PHF24: variants seen among roughly 807,000 people sequenced by gnomAD.
PHF24 encodes Galpha inhibitory interacting protein.
Under a neutral mutation model 42.6 loss-of-function variants are expected in PHF24, and 25 were observed. The observed-to-expected ratio is 0.59, with a 90% CI of 0.43 to 0.82. The LOEUF (loss-of-function observed/expected upper bound fraction) is 0.82, where lower values mean the gene tolerates loss of function less well. PHF24 is among the 40% of genes least tolerant of loss of function. The probability of loss-of-function intolerance (pLI) is 0.00; values close to 1 mark genes in which losing one functional copy is unlikely to be tolerated. For synonymous variants in PHF24, 185 were observed against 204.8 expected, an observed-to-expected ratio of 0.90 and a Z score of 0.83; for missense variants, 470 against 538.1, an observed-to-expected ratio of 0.87 and a Z score of 1.25.
the PHF24 span, among the ~76,000 whole-genome samples, chr9:34,871,621 T>G: frequency 3.9e-5 from 6 of 152,318 alleles, no homozygotes; most frequent in Non-Finnish European, 8.8e-5. Context: ...TTGTAAAGGA[T>G]GTAAGGTCTG....
At chr9:34,977,014 T>C in intron 5 of PHF24, 69 bp from the exon 6 acceptor site, 2 of 1,495,972 alleles carry the variant, frequency 1.3e-6, no homozygotes, top group South Asian at 1.3e-5. Context: ...GTAATGGAGA[T>C]AGGATTCTCT....
At chr9:34,704,316 C>G in the PHF24 span, among the ~76,000 whole-genome samples, 1 of 152,138 alleles carries the variant, frequency 6.6e-6, no homozygotes, top group Non-Finnish European at 1.5e-5. Context: ...TAGGCGTGAG[C>G]TGCCATGCCC....
the PHF24 span, among the ~76,000 whole-genome samples, chr9:34,952,381 TA>T: frequency 6.6e-6 from 1 of 152,168 alleles, no homozygotes; most frequent in East Asian, 1.9e-4. Flanking sequence ...GTGACCTAAC[TA>T]AATGGGGAGA....
the PHF24 span, among the ~76,000 whole-genome samples, chr9:34,756,605 C>T: frequency 6.6e-6 from 1 of 152,138 alleles, no homozygotes; most frequent in Admixed American, 6.5e-5. Flanking sequence ...TGCTGTTTTG[C>T]CTACTAGAGC....
the PHF24 span, among the ~76,000 whole-genome samples, chr9:34,800,092 A>G: frequency 7.6e-6 from 1 of 131,556 alleles, no homozygotes; most frequent in African/African-American, 2.6e-5. Context: ...ACTATGCAAT[A>G]TATCCAGTAA....
the PHF24 span, among the ~76,000 whole-genome samples, chr9:34,846,642 G>A: frequency 6.6e-6 from 1 of 152,166 alleles, no homozygotes; most frequent in Non-Finnish European, 1.5e-5. Context: ...TGTTGCCTTT[G>A]CTTTTGATGT....
chr9:34,856,656 G>T, the PHF24 span, among the ~76,000 whole-genome samples: 1 of 152,188 alleles, frequency 6.6e-6, no homozygotes, highest in Non-Finnish European at 1.5e-5. Flanking sequence ...TCTTCCTCTA[G>T]GAGCTCCGTC....
At chr9:34,688,162 T>C in the PHF24 span, among the ~76,000 whole-genome samples, 10 of 152,122 alleles carry the variant, frequency 6.6e-5, no homozygotes, top group African/African-American at 2.2e-4. Flanking sequence ...CATTTCTCCC[T>C]TTTCAAGGCC....
At chr9:34,820,782 C>G in the PHF24 span, among the ~76,000 whole-genome samples, 1 of 152,160 alleles carries the variant, frequency 6.6e-6, no homozygotes, top group South Asian at 2.1e-4. Context: ...AATGGTACTT[C>G]TGTTTTAAGT....
chr9:34,810,190 C>T, the PHF24 span, among the ~76,000 whole-genome samples: 1 of 152,090 alleles, frequency 6.6e-6, no homozygotes, highest in African/African-American at 2.4e-5. Context: ...CGGGACCGGG[C>T]CGTCACCTGA....
the PHF24 span, among the ~76,000 whole-genome samples, chr9:34,716,105 G>A: frequency 3.9e-4 from 59 of 152,278 alleles, no homozygotes; most frequent in African/African-American, 1.1e-3. Context: ...GGTTCTCAGC[G>A]GAGCATTGAG....
chr9:34,916,030 C>T, the PHF24 span, among the ~76,000 whole-genome samples: 101 of 152,286 alleles, frequency 6.6e-4, no homozygotes, highest in Admixed American at 2.2e-3. Flanking sequence ...ATTGTCTCTC[C>T]TGCTTCCCTG....
At chr9:34,877,205 C>G in the PHF24 span, among the ~76,000 whole-genome samples, 1 of 150,424 alleles carries the variant, frequency 6.6e-6, no homozygotes, top group Non-Finnish European at 1.5e-5. Flanking sequence ...CTCTTGAACC[C>G]AGGAGGCAGC....
At chr9:34,799,827 T>C in the PHF24 span, among the ~76,000 whole-genome samples, 9 of 152,206 alleles carry the variant, frequency 5.9e-5, no homozygotes, top group African/African-American at 2.2e-4. Context: ...AATCATTCTT[T>C]GACAATATGA....
chr9:34,666,285 AAG>A, the PHF24 span, among the ~76,000 whole-genome samples: 2 of 151,976 alleles, frequency 1.3e-5, no homozygotes, highest in Admixed American at 1.3e-4. Flanking sequence ...GCAGCAAGAA[AAG>A]AGAGTTGGGA....
chr9:34,895,212 C>T, the PHF24 span: 1 of 396,896 alleles, frequency 2.5e-6, no homozygotes, highest in Non-Finnish European at 4.4e-6. Context: ...TTCTATCTTT[C>T]CTTTCTGTAT....
the PHF24 span, among the ~76,000 whole-genome samples, chr9:34,804,480 T>C: frequency 1.3e-5 from 2 of 152,224 alleles, no homozygotes; most frequent in African/African-American, 4.8e-5. Flanking sequence ...TCTTGGGCAA[T>C]ATAAATGGTA....
the PHF24 span, among the ~76,000 whole-genome samples, chr9:34,919,138 C>T: frequency 1.4e-4 from 22 of 152,096 alleles, no homozygotes; most frequent in Non-Finnish European, 2.9e-4. Flanking sequence ...TTTTATTATA[C>T]GTGTTTACTA....
the PHF24 span, among the ~76,000 whole-genome samples, chr9:34,816,821 C>T: frequency 4.6e-5 from 7 of 152,318 alleles, no homozygotes; most frequent in African/African-American, 7.2e-5. Context: ...AACTATCCAT[C>T]GCTAGACCTC....
Sources: allele counts gnomAD v4.1 joint callset (sites outside exome capture counted in the v4.1 genomes callset), GRCh38; gene constraint gnomAD v4.1.1; transcripts MANE v1.5; gene names NCBI Gene and HGNC (gene_info 2026-07-23, HGNC 2026-07-21).